Variants in KIF13B observed in about 807,000 individuals in gnomAD.
KIF13B encodes kinesin-like protein KIF13B.
In KIF13B, 127 loss-of-function variants were observed where a neutral mutation model predicts 222.0. That is an observed-to-expected ratio of 0.57 (90% CI 0.50 to 0.66). The LOEUF is 0.66. KIF13B is among the 30% of genes least tolerant of loss of function. The probability of loss-of-function intolerance (pLI) is 0.00; values close to 1 mark genes in which losing one functional copy is unlikely to be tolerated. For missense variants in KIF13B, 2,173 were observed against 2,379.0 expected, an observed-to-expected ratio of 0.91 and a Z score of 1.80; for synonymous variants, 976 against 919.0, an observed-to-expected ratio of 1.06 and a Z score of -1.12.
chr8:29,086,247 G>C (rs1166470037), intron 37 of KIF13B, among the ~76,000 whole-genome samples: 1 of 152,220 alleles, frequency 6.6e-6, no homozygotes, highest in South Asian at 2.1e-4. Flanking sequence ...AGATAGGATA[G>C]TGTGAGTTTC....
chr8:29,207,447 G>A (rs759741883), intron 2 of KIF13B, among the ~76,000 whole-genome samples: 2 of 152,106 alleles, frequency 1.3e-5, no homozygotes, highest in African/African-American at 2.4e-5. Context: ...CACAGAAGGC[G>A]TTTCTTTCCG....
At chr8:29,109,022 A>G (rs967047828) in intron 34 of KIF13B, among the ~76,000 whole-genome samples, 1 of 152,174 alleles carries the variant, frequency 6.6e-6, no homozygotes, top group Non-Finnish European at 1.5e-5. Context: ...TGACGCATGG[A>G]CACCACCCTG....
At chr8:29,092,682 G>C in intron 37 of KIF13B, 63 bp downstream of exon 37, 1 of 1,501,538 alleles carries the variant, frequency 6.7e-7, no homozygotes, top group Non-Finnish European at 8.9e-7. Context: ...TCCAGCTTTG[G>C]CGCAACACAG....
chr8:29,197,358 A>AAAAAAAAAAAAAC (rs1813485636), intron 2 of KIF13B, among the ~76,000 whole-genome samples: 1 of 147,908 alleles, frequency 6.8e-6, no homozygotes, highest in African/African-American at 2.5e-5. Context: ...AAAAAAAAAA[A>AAAAAAAAAAAAAC]AAACTCAATA....
chr8:29,262,756 G>A (rs1816729908), intron 1 of KIF13B, among the ~76,000 whole-genome samples: 1 of 149,478 alleles, frequency 6.7e-6, no homozygotes, highest in Non-Finnish European at 1.5e-5. Context: ...GGCACGAGGG[G>A]CCCGACGGCG....
chr8:29,190,768 G>A (rs979680471), intron 4 of KIF13B: 16 of 517,824 alleles, frequency 3.1e-5, no homozygotes, highest in African/African-American at 1.5e-4. Flanking sequence ...AGAGAGCATC[G>A]GAACTGAGTT....
intron 37 of KIF13B, among the ~76,000 whole-genome samples, chr8:29,083,884 T>C (rs913788788): frequency 6.6e-6 from 1 of 152,016 alleles, no homozygotes; most frequent in Non-Finnish European, 1.5e-5. Context: ...TTAAGAAAAA[T>C]GAAGGCTGGG....
chr8:29,099,279 T>C lies in KIF13B; in HGVS notation c.4216-38A>G, dbSNP rs1413578243. On this transcript the variant is annotated intron_variant, in intron 35 of 39. Transcript: ENST00000524189. ...AAATTGGCAATTTTGTTTCAAGTTA[T>C]TCAATTAACCAAACAAAAAAAAATT... 2.1e-6 allele frequency: 3 copies of C among 1,432,732 alleles called. No individual in the cohort carries two copies. The Admixed American group carries it at 6.2e-5, about 30-fold the overall frequency. The allele number at this position is 1,432,732 out of a possible 1,614,324, so 88.8% of individuals were successfully genotyped here.
chr8:29,198,223 T>C (rs962017649), intron 2 of KIF13B, among the ~76,000 whole-genome samples: 1 of 152,182 alleles, frequency 6.6e-6, no homozygotes. Context: ...TGTAGAAGAA[T>C]TTCCTGACAA....
At chr8:29,181,822 A>AT in intron 7 of KIF13B, 97 bp downstream of exon 7, 1 of 724,326 alleles carries the variant, frequency 1.4e-6, no homozygotes, top group Non-Finnish European at 2.3e-6. Context: ...ATGCTATTAT[A>AT]TATGCAATTT....
chr8:29,097,282 A>C (rs180863481), intron 36 of KIF13B, among the ~76,000 whole-genome samples: 1 of 109,954 alleles, frequency 9.1e-6, no homozygotes, highest in Non-Finnish European at 2.1e-5. Flanking sequence ...TAAATGTGTT[A>C]TATCAGGAAG....
rs141932358 is a variant in KIF13B at position 29,117,586 on chromosome 8, C to A, written c.3661-579G>T. Among the ~76,000 whole-genome samples the A allele has an allele frequency of 1.8e-3, 268 of 152,276 alleles. 2 individuals are homozygous for A. Among genetic ancestry groups the A allele is most frequent in the Middle Eastern group, 0.01 (3 of 294 alleles). ...CCTTGTCACGCTTGACCCTGCTGAA[C>A]TGGAAGGGTGCCGGCCCACTATTCT... On this transcript the variant is annotated intron_variant, in intron 30 of 39. Coordinates refer to ENST00000524189, the MANE Select transcript of KIF13B (RefSeq NM_015254.4).
At chr8:29,100,750 A>G (rs1436656409) in intron 35 of KIF13B, among the ~76,000 whole-genome samples, 2 of 152,162 alleles carry the variant, frequency 1.3e-5, no homozygotes, top group Non-Finnish European at 2.9e-5. Context: ...GCGCCTGGCA[A>G]GTTTTCTTTA....
chr8:29,080,168 T>C (rs1807737082), intron 37 of KIF13B, among the ~76,000 whole-genome samples: 1 of 151,628 alleles, frequency 6.6e-6, no homozygotes, highest in African/African-American at 2.4e-5. Context: ...ATGGAAAAAC[T>C]CCATCTCTAC....
intron 4 of KIF13B, chr8:29,189,836 T>C (rs1294267055): frequency 1.3e-5 from 2 of 152,236 alleles, no homozygotes; most frequent in Admixed American, 1.3e-4. Context: ...GGCGTGTGAA[T>C]GTGGAATAGC....
intron 2 of KIF13B, among the ~76,000 whole-genome samples, chr8:29,234,302 T>C (rs1815412414): frequency 6.7e-6 from 1 of 150,348 alleles, no homozygotes; most frequent in Non-Finnish European, 1.5e-5. Context: ...GGGCAAAATG[T>C]GGTTTATCCA....
In KIF13B at chr8:29,226,439, G is replaced by T. The variant is rs1441404327; in HGVS notation, c.149+18907C>A. Among the ~76,000 whole-genome samples, 3 of 152,170 alleles carry T rather than the reference G, an allele frequency of 2.0e-5. No homozygotes were observed. In the East Asian group the frequency reaches 5.8e-4, roughly 29 times the overall value. ...GGGTTCAGATTCAGCTTCTGGCCTT[G>T]TATTTGTAGCATGGGAGCCCTTCAC... On this transcript the variant is annotated intron_variant, in intron 2 of 39. Coordinates refer to ENST00000524189, the MANE Select transcript of KIF13B (RefSeq NM_015254.4).
intron 1 of KIF13B, among the ~76,000 whole-genome samples, chr8:29,255,458 G>A (rs1459401307): frequency 4.6e-5 from 7 of 151,954 alleles, no homozygotes; most frequent in African/African-American, 1.7e-4. Context: ...AGAAAATTAA[G>A]CTTGAAATTC....
Position 29,071,562 on chromosome 8 carries a change from G to T in KIF13B, c.5218+58C>A. The stretch of plus-strand genomic sequence containing the variant: ...CCCTGTCCCCTCCCAGGCCGGCCAC[G>T]TTCCTGCTTCCCCAGACCCCCGGCA... On this transcript the variant is annotated intron_variant, in intron 39 of 39. Transcript: ENST00000524189. This position sits in a 1 kb window ranked among gnomAD's most constrained non-coding sequence, Gnocchi z 4.9. 6.8e-7 allele frequency: 1 copy of T among 1,462,158 alleles called. No homozygotes were observed. Among genetic ancestry groups the T allele is most frequent in the Non-Finnish European group, 9.3e-7 (1 of 1,077,792 alleles). 90.6% of individuals were successfully genotyped at this position (1,462,158 alleles called of 1,614,324 possible).
Sources: allele counts gnomAD v4.1 joint callset (sites outside exome capture counted in the v4.1 genomes callset), GRCh38; gene constraint gnomAD v4.1.1; non-coding constraint Gnocchi (gnomAD v3.1); transcripts MANE v1.5; gene names NCBI Gene and HGNC (gene_info 2026-07-23, HGNC 2026-07-21).